Variants in DPH2 observed in about 807,000 individuals in gnomAD.
The protein encoded by DPH2 is 2-(3-amino-3-carboxypropyl)histidine synthase subunit 2.
A neutral mutation model predicts 42.5 loss-of-function variants in DPH2; 28 were observed. That is an observed-to-expected ratio of 0.66 (90% CI 0.49 to 0.90). The LOEUF is 0.90. Ranked by LOEUF, DPH2 falls within the 40% of genes least tolerant of loss-of-function variation. DPH2 has a pLI of 0.00. For synonymous variants in DPH2, 279 were observed against 264.4 expected, an observed-to-expected ratio of 1.06 and a Z score of -0.53; for missense variants, 576 against 636.0, an observed-to-expected ratio of 0.91 and a Z score of 1.01.
In DPH2 at chr1:43,972,821, G is replaced by T; in HGVS notation, c.*282G>T. 1 of 390,972 alleles carries T rather than the reference G, an allele frequency of 2.6e-6. No individual in the cohort carries two copies. Among genetic ancestry groups the T allele is most frequent in the South Asian group, 3.0e-5 (1 of 33,834 alleles). The allele number at this position is 390,972 out of a possible 1,614,324, so 24.2% of individuals were successfully genotyped here. A position where few individuals can be genotyped will look rare whatever the true frequency, so the allele number is the denominator to read the frequency against. On this transcript the variant is annotated 3_prime_UTR_variant, in exon 6 of 6. Coordinates refer to ENST00000255108, the MANE Select transcript of DPH2 (RefSeq NM_001384.5). ...CATCTGTCTTCCTGAGGGCAGCCCA[G>T]GACCTTTGGCCAATCCCAGTTCCCA... is the stretch of plus-strand genomic sequence containing the variant.
Position 43,972,320 on chromosome 1 carries a change from A to G in DPH2, c.1331A>G (p.Glu444Gly), listed in dbSNP as rs199586736. The G allele has an allele frequency of 1.5e-4, 238 of 1,613,994 alleles. No individual in the cohort carries two copies. Among genetic ancestry groups the G allele is most frequent in the Non-Finnish European group, 1.7e-4 (197 of 1,180,012 alleles). ...CCACGGCCCCAGCTGGAGCTGGCTG[A>G]GAGCAGTCCTGCAGGTAAATGTACA... ...LTPRPQLELA[E>G]SSPAASFLSS... Residue 444 changes from glutamate (E) to glycine (G), a missense_variant, in exon 5 of 6, where the codon GAG (glutamate) becomes GGG (glycine). Transcript: ENST00000255108.
chr1:43,971,617 T>C lies in DPH2; in HGVS notation c.715T>C (p.Leu239=), dbSNP rs764812865. The C allele has an allele frequency of 2.5e-6, 4 of 1,614,046 alleles. No homozygotes were observed. The Admixed American group carries it at 5.0e-5, about 20-fold the overall frequency. The change falls in exon 4 of 6, where the codon TTG becomes CTG. Residue 239 remains leucine, a synonymous_variant. Coordinates refer to ENST00000255108, the MANE Select transcript of DPH2 (RefSeq NM_001384.5). ...DLDPDLSRLL[L]GWAPGQPFSS... is the part of the protein sequence containing the mutation. Reference sequence around the variant, plus strand: ...TGACCCAGACCTGAGTCGGCTGCTCTTGGGGTGGGCACCAGGTCAACCCTT... The same window carrying C: ...TGACCCAGACCTGAGTCGGCTGCTCCTGGGGTGGGCACCAGGTCAACCCTT...
At position 43,971,085 on chromosome 1, in the gene DPH2, G is replaced by A. The variant is rs1312565940; in HGVS notation, c.380G>A (p.Arg127His). The change falls in exon 3 of 6, where the codon CGT becomes CAT. Residue 127 changes from arginine to histidine, a missense_variant. Transcript: ENST00000255108. ...PLPVAFVLRQ[R>H]SVALELCVKA... ...CCCGTTGCCTTCGTGCTTCGTCAAC[G>A]TTCTGTGGCCTTGGAGCTCTGTGTC... 3 of 1,563,742 alleles carry A rather than the reference G, an allele frequency of 1.9e-6. No individual in the cohort carries two copies. Among genetic ancestry groups the A allele is most frequent in the Non-Finnish European group, 1.7e-6 (2 of 1,152,930 alleles).
At chr1:43,970,385 G>T in intron 1 of DPH2, 63 bp downstream of exon 1, 1 of 1,585,702 alleles carries the variant, frequency 6.3e-7, no homozygotes, top group South Asian at 1.1e-5. Flanking sequence ...AGAGGATCCG[G>T]ATCTTGGGGG....
chr1:43,972,273 T>A lies in DPH2; in HGVS notation c.1284T>A (p.Asp428Glu), dbSNP rs750428481. ...CACCTGCCTGGAAGTCATCAAATGA[T>A]CATGGAAGCTTGGCTCTGACCCCAC... ...RPPPAWKSSN[D>E]HGSLALTPRP... Residue 428 changes from aspartate (D) to glutamate (E), a missense_variant, in exon 5 of 6, where the codon GAT (aspartate) becomes GAA (glutamate). Transcript: ENST00000255108. The A allele has an allele frequency of 5.0e-6, 8 of 1,614,186 alleles. No homozygotes were observed. Among genetic ancestry groups the A allele is most frequent in the Non-Finnish European group, 6.8e-6 (8 of 1,180,022 alleles).
At position 43,971,170 on chromosome 1, in the gene DPH2, G is replaced by T; in HGVS notation, c.465G>T (p.Pro155=). ...CGCCTGTGGTGCTGCTGAGTGAGCC[G>T]GCCTGTGCCCATGCCCTGGGTAAGG... ...PKAPVVLLSE[P]ACAHALEALA... is the part of the protein sequence containing the mutation. The change falls in exon 3 of 6, where the codon CCG becomes CCT. Residue 155 remains proline (P), a synonymous_variant. Coordinates refer to ENST00000255108, the MANE Select transcript of DPH2 (RefSeq NM_001384.5). The T allele has an allele frequency of 6.4e-7, 1 of 1,555,246 alleles. No individual in the cohort carries two copies. The highest frequency in any genetic ancestry group is 8.7e-7 in the Non-Finnish European group (1 of 1,148,628).
Position 43,972,406 on chromosome 1 carries a change from C to T in DPH2, c.1346-9C>T, listed in dbSNP as rs747367994. On this transcript the variant is annotated splice_polypyrimidine_tract_variant and intron_variant, in intron 5 of 5. Coordinates refer to ENST00000255108, the MANE Select transcript of DPH2 (RefSeq NM_001384.5). ...CAGCGCACTCAGACTGAGCCCCCTCCCTCTACAGCCTCATTCCTTAGTTCC... is the reference window on the plus strand; with the variant it reads ...CAGCGCACTCAGACTGAGCCCCCTCTCTCTACAGCCTCATTCCTTAGTTCC... 4 of 1,614,126 alleles carry T rather than the reference C, an allele frequency of 2.5e-6. No individual in the cohort carries two copies. The highest frequency in any genetic ancestry group is 3.4e-6 in the Non-Finnish European group (4 of 1,179,974).
rs1227888262 is a variant in DPH2, at chr1:43,970,138, G to A, written c.-38G>A. 1 of 1,604,816 alleles carries A rather than the reference G, an allele frequency of 6.2e-7. No individual in the cohort carries two copies. Among genetic ancestry groups the A allele is most frequent in the African/African-American group, 1.3e-5 (1 of 74,986 alleles). On this transcript the variant is annotated 5_prime_UTR_variant, in exon 1 of 6. Coordinates refer to ENST00000255108, the MANE Select transcript of DPH2 (RefSeq NM_001384.5). The stretch of plus-strand genomic sequence containing the variant: ...ACTCAGGCCCCGAAGCTGTCCCAGG[G>A]AGGTCCCCGCTGCATCCCACCACCC...
intron 1 of DPH2, 61 bp from the exon 2 acceptor site, chr1:43,970,535 G>T (rs917219457): frequency 6.3e-7 from 1 of 1,584,898 alleles, no homozygotes. Flanking sequence ...CTGGAAGATT[G>T]CTTTAAAGAA....
In DPH2 at chr1:43,970,127, G is replaced by C. The variant is rs1557639270; in HGVS notation, c.-49G>C. On this transcript the variant is annotated 5_prime_UTR_variant, in exon 1 of 6. Transcript: ENST00000255108. ...TGCTCTAGAGGACTCAGGCCCCGAA[G>C]CTGTCCCAGGGAGGTCCCCGCTGCA... 18 of 1,596,600 alleles carry C rather than the reference G, an allele frequency of 1.1e-5. No individual in the cohort carries two copies. Among genetic ancestry groups the C allele is most frequent in the Middle Eastern group, 1.7e-4 (1 of 5,910 alleles).
Position 43,971,043 on chromosome 1 carries a change from C to T in DPH2, c.338C>T (p.Pro113Leu). ...CATTTTGGCCCTGCCTGCTTAAGCCCTCCAGCCCGCCCACTGCCCGTTGCC... is the reference window on the plus strand; with the variant it reads ...CATTTTGGCCCTGCCTGCTTAAGCCTTCCAGCCCGCCCACTGCCCGTTGCC... The part of the protein sequence containing the change: ...LIHFGPACLS[P>L]PARPLPVAFV... The change falls in exon 3 of 6, where the codon CCT becomes CTT. Residue 113 changes from proline to leucine, a missense_variant. Pro to Leu is a moderately conservative substitution (Grantham distance 98). Coordinates refer to ENST00000255108, the MANE Select transcript of DPH2 (RefSeq NM_001384.5). 1 of 1,578,718 alleles carries T rather than the reference C, an allele frequency of 6.3e-7. No homozygotes were observed.
Position 43,972,708 on chromosome 1 carries a change from C to T in DPH2, c.*169C>T, listed in dbSNP as rs910526718. The T allele has an allele frequency of 4.4e-6, 4 of 907,272 alleles. No homozygotes were observed. Among genetic ancestry groups the T allele is most frequent in the Non-Finnish European group, 4.9e-6 (3 of 608,022 alleles). 56.2% of individuals were successfully genotyped at this position (907,272 alleles called of 1,614,324 possible). A position where few individuals can be genotyped will look rare whatever the true frequency, so the allele number is the denominator to read the frequency against. Reference sequence around the variant, plus strand: ...GATCCGTCTCTGTCCTGTCCTGGCACTGGCACAAGCTCAGCACATGCCCAG... The same window carrying T: ...GATCCGTCTCTGTCCTGTCCTGGCATTGGCACAAGCTCAGCACATGCCCAG... On this transcript the variant is annotated 3_prime_UTR_variant, in exon 6 of 6. Transcript: ENST00000255108.
rs2085472103 is a variant in DPH2, at chr1:43,973,180, A to C, written c.*641A>C. ...TGTGGCTAAACTTAAATTTAAGTTA[A>C]TTAAGATTAAAAGCTCAGTTTCTCA... On this transcript the variant is annotated 3_prime_UTR_variant, in exon 6 of 6. Coordinates refer to ENST00000255108, the MANE Select transcript of DPH2 (RefSeq NM_001384.5). 1 of 152,292 alleles carries C rather than the reference A, an allele frequency of 6.6e-6. No individual in the cohort carries two copies. Among genetic ancestry groups the C allele is most frequent in the African/African-American group, 2.4e-5 (1 of 41,468 alleles). 9.4% of individuals were successfully genotyped at this position (152,292 alleles called of 1,614,324 possible).
rs1247636146 is a variant in DPH2 at position 43,970,610 on chromosome 1, C to T, written c.162C>T (p.Phe54=). 8.7e-6 allele frequency: 14 copies of T among 1,614,040 alleles called. No homozygotes were observed. The highest frequency in any genetic ancestry group is 3.3e-5 in the South Asian group (3 of 91,074). ...DLGCERVALQ[F]PDQLLGDAVA... ...TATGCTTATAGGTTGCCTTGCAGTT[C>T]CCTGACCAGCTATTGGGAGATGCTG... The change falls in exon 2 of 6, where the codon TTC becomes TTT. Residue 54 remains phenylalanine (F), a synonymous_variant. Transcript: ENST00000255108.
At chr1:43,970,754 C>G in intron 2 of DPH2, 46 bp downstream of exon 2, 2 of 1,566,758 alleles carry the variant, frequency 1.3e-6, no homozygotes, top group Non-Finnish European at 1.8e-6. Context: ...ATCCGGGGCT[C>G]ATGGGGTTTT....
rs763610967 is a variant in DPH2, at chr1:43,972,398, G to A, written c.1346-17G>A. On this transcript the variant is annotated splice_polypyrimidine_tract_variant and intron_variant, in intron 5 of 5. Transcript: ENST00000255108. ...TCCAGATGCAGCGCACTCAGACTGA[G>A]CCCCCTCCCTCTACAGCCTCATTCC... The A allele has an allele frequency of 1.2e-6, 2 of 1,614,094 alleles. No individual in the cohort carries two copies. The highest frequency in any genetic ancestry group is 3.3e-5 in the Admixed American group (2 of 60,028).
Position 43,971,800 on chromosome 1 carries a change from C to G in DPH2, c.898C>G (p.Leu300Val), listed in dbSNP as rs913170354. 3 of 1,611,550 alleles carry G rather than the reference C, an allele frequency of 1.9e-6. No homozygotes were observed. The highest frequency in any genetic ancestry group is 1.7e-6 in the Non-Finnish European group (2 of 1,180,036). The change falls in exon 4 of 6, where the codon CTG becomes GTG. Residue 300 changes from leucine (L) to valine (V), a missense_variant. Coordinates refer to ENST00000255108, the MANE Select transcript of DPH2 (RefSeq NM_001384.5). Reference sequence around the variant, plus strand: ...GGGTGTAGCCCAACACCGTGAGGCACTGGCCCACTTGCGGAACCTGACTCA... The same window carrying G: ...GGGTGTAGCCCAACACCGTGAGGCAGTGGCCCACTTGCGGAACCTGACTCA... ...TLGVAQHREA[L>V]AHLRNLTQAA...
In DPH2 at chr1:43,971,557, G is replaced by A. The variant is rs1391272888; in HGVS notation, c.655G>A (p.Val219Ile). ...TCTAGAAGAGTATGGTGCCTTCTAT[G>A]TAGGGGGCTCTAAGGCCAGCCCTGA... ...RRLEEYGAFY[V>I]GGSKASPDPD... Residue 219 changes from valine (V) to isoleucine (I), a missense_variant, in exon 4 of 6, where the codon GTA (valine) becomes ATA (isoleucine). By Grantham distance (29) the Val-to-Ile change is conservative. Around this residue, in one of 3 missense-constraint regions of DPH2, gnomAD observed 395 missense variants for 435.2 expected, o/e 0.91. Transcript: ENST00000255108. The A allele has an allele frequency of 6.2e-7, 1 of 1,614,174 alleles. No individual in the cohort carries two copies. The highest frequency in any genetic ancestry group is 1.3e-5 in the African/African-American group (1 of 75,072).
In DPH2 at chr1:43,970,248, C is replaced by T; in HGVS notation, c.73C>T (p.Pro25Ser). 1 of 1,614,216 alleles carries T rather than the reference C, an allele frequency of 6.2e-7. No individual in the cohort carries two copies. Among genetic ancestry groups the T allele is most frequent in the Non-Finnish European group, 8.5e-7 (1 of 1,180,028 alleles). Residue 25 changes from proline to serine, a missense_variant, in exon 1 of 6, where the codon CCT (proline) becomes TCT (serine). Around this residue, in one of 3 missense-constraint regions of DPH2, gnomAD observed 395 missense variants for 435.2 expected, o/e 0.91. Coordinates refer to ENST00000255108, the MANE Select transcript of DPH2 (RefSeq NM_001384.5). ...GACCGGGGTGCCAGGACTGCTTACT[C>T]CTCTTCCGGACCTGGACGGAGTGTA... is the stretch of plus-strand genomic sequence containing the variant. Reference protein sequence around the residue: ...RETGVPGLLTPLPDLDGVYEL... With the variant: ...RETGVPGLLTSLPDLDGVYEL...
Sources: gnomAD v4.1 joint callset for allele counts on GRCh38, gnomAD v4.1.1 for gene constraint, gnomAD v4.1.1 regional missense constraint, MANE v1.5 for transcripts, NCBI Gene and HGNC (gene_info 2026-07-23, HGNC 2026-07-21) for gene names.